The following RIPOR2 variants were observed in gnomAD, a reference collection of about 807,000 sequenced individuals.
RIPOR2 encodes the protein rho family-interacting cell polarization regulator 2.
A neutral mutation model predicts 114.5 loss-of-function variants in RIPOR2; 39 were observed. That is an observed-to-expected ratio of 0.34 (90% confidence interval 0.26 to 0.44). The LOEUF is 0.44. Ranked by LOEUF, RIPOR2 falls within the 20% of genes least tolerant of loss-of-function variation. The probability of loss-of-function intolerance (pLI) is 1.00; values close to 1 mark genes in which losing one functional copy is unlikely to be tolerated. For missense variants in RIPOR2, 1,007 were observed against 1,255.1 expected, an observed-to-expected ratio of 0.80 and a Z score of 2.99; for synonymous variants, 445 against 484.4, an observed-to-expected ratio of 0.92 and a Z score of 1.07.
chr6:24,829,194 TC>T (rs1346201637), intron 17 of RIPOR2, among the ~76,000 whole-genome samples: 1 of 152,022 alleles, frequency 6.6e-6, no homozygotes, highest in East Asian at 1.9e-4. Context: ...GTGCCTGTAA[TC>T]ACAGCTACTG....
rs140477782 is a variant in RIPOR2, at chr6:25,022,672, G to A, written c.76+19179C>T. 2.6e-4 allele frequency among the ~76,000 whole-genome samples: 38 copies of A among 148,872 alleles called. No homozygotes were observed. In the East Asian group the frequency reaches 6.4e-3, roughly 25 times the overall value. The stretch of plus-strand genomic sequence containing the variant: ...AACTATCCTCCCACCTCAGCCTCCT[G>A]AGTAGCTAGACTACAGGTGTGTGCC... On this transcript the variant is annotated intron_variant, in intron 1 of 13. Transcript: ENST00000510784.
chr6:24,810,788 C>A (rs1475918995), intron 20 of RIPOR2, among the ~76,000 whole-genome samples: 4 of 151,852 alleles, frequency 2.6e-5, no homozygotes, highest in Non-Finnish European at 2.9e-5. Flanking sequence ...AGTAACAAGG[C>A]AAAATTTCCT....
intron 1 of RIPOR2, among the ~76,000 whole-genome samples, chr6:24,894,537 G>A (rs1315799682): frequency 6.6e-6 from 1 of 152,152 alleles, no homozygotes; most frequent in Non-Finnish European, 1.5e-5. Context: ...TCTGTCAACC[G>A]GGAGGGGAGG....
At chr6:24,884,023 C>G (rs1766577451) in intron 1 of RIPOR2, among the ~76,000 whole-genome samples, 1 of 152,198 alleles carries the variant, frequency 6.6e-6, no homozygotes, top group South Asian at 2.1e-4. Context: ...TATATGGTTA[C>G]AAGGTACCTA....
chr6:24,874,682 T>C (rs1765546565), intron 2 of RIPOR2, among the ~76,000 whole-genome samples: 1 of 152,150 alleles, frequency 6.6e-6, no homozygotes, highest in Non-Finnish European at 1.5e-5. Context: ...CAGAAGGATA[T>C]AATCCAACTA....
intron 14 of RIPOR2, among the ~76,000 whole-genome samples, chr6:24,837,043 A>G (rs1346629045): frequency 5.3e-5 from 8 of 152,236 alleles, no homozygotes; most frequent in Non-Finnish European, 7.3e-5. Context: ...GCTTAAGGTA[A>G]CAAGTATGCA....
chr6:24,874,054 G>C (rs955298923), intron 2 of RIPOR2, among the ~76,000 whole-genome samples: 1 of 151,534 alleles, frequency 6.6e-6, no homozygotes, highest in Non-Finnish European at 1.5e-5. Flanking sequence ...TTAAAGAGAG[G>C]GGGTCTCAGT....
chr6:24,969,014 AC>A (rs1742790908), intron 1 of RIPOR2, among the ~76,000 whole-genome samples: 1 of 152,068 alleles, frequency 6.6e-6, no homozygotes, highest in African/African-American at 2.4e-5. Context: ...ATGACTTTCA[AC>A]CACCTTCCCA....
Position 24,842,973 on chromosome 6 carries a change from G to A in RIPOR2, c.1746C>T (p.Ser582=), listed in dbSNP as rs1761867729. The change falls in exon 13 of 22, where the codon AGC becomes AGT. Residue 582 remains serine (S), a synonymous_variant. Coordinates refer to ENST00000643898, the MANE Select transcript of RIPOR2 (RefSeq NM_001286445.3). ...SEGCRSFLDG[S]LEDAFNGLLL... ...AAAGCCCATTAAAAGCATCCTCTAA[G>A]CTTCCATCTAGAAAGGATCTGCAGC... 2 of 1,551,242 alleles carry A rather than the reference G, an allele frequency of 1.3e-6. No homozygotes were observed. Among genetic ancestry groups the A allele is most frequent in the Admixed American group, 2.0e-5 (1 of 50,110 alleles).
chr6:24,865,008 C>T (rs1440238208), intron 7 of RIPOR2, among the ~76,000 whole-genome samples: 1 of 152,122 alleles, frequency 6.6e-6, no homozygotes, highest in Non-Finnish European at 1.5e-5. Flanking sequence ...AGTGCAGTGG[C>T]GCGATCGTAG....
At chr6:24,845,598 AT>A (rs1762186304) in intron 12 of RIPOR2, among the ~76,000 whole-genome samples, 1 of 152,150 alleles carries the variant, frequency 6.6e-6, no homozygotes, top group South Asian at 2.1e-4. Context: ...CTCAAGCTCA[AT>A]TTCCACCTAC....
intron 1 of RIPOR2, chr6:25,024,369 G>C: frequency 7.3e-7 from 1 of 1,372,178 alleles, no homozygotes; most frequent in Admixed American, 1.7e-5. Flanking sequence ...CTTCTGGCCA[G>C]TGTTGGCCAG....
intron 1 of RIPOR2, among the ~76,000 whole-genome samples, chr6:24,998,693 AT>A (rs1001920959): frequency 2.0e-5 from 3 of 152,194 alleles, no homozygotes; most frequent in Non-Finnish European, 2.9e-5. Flanking sequence ...GGCAAAAAAA[AT>A]CTACAATAAA....
At chr6:24,957,890 C>G (rs1354972436) in intron 1 of RIPOR2, among the ~76,000 whole-genome samples, 1 of 152,046 alleles carries the variant, frequency 6.6e-6, no homozygotes, top group Non-Finnish European at 1.5e-5. Flanking sequence ...AACAAAAAAG[C>G]AAAAACAAAT....
At chr6:24,878,344 C>G (rs1236278683) in intron 1 of RIPOR2, among the ~76,000 whole-genome samples, 14 of 152,124 alleles carry the variant, frequency 9.2e-5, no homozygotes, top group Admixed American at 9.2e-4. Context: ...TTGTAATAAA[C>G]TATCATGCTT....
rs62647288 is a variant in RIPOR2, at chr6:24,927,227, G to C, written c.61+8611C>G. Among the ~76,000 whole-genome samples the C allele has an allele frequency of 8.9e-3, 204 of 22,798 alleles. 54 individuals are homozygous for C. Among genetic ancestry groups the C allele is most frequent in the Admixed American group, 0.021 (32 of 1,494 alleles). 15.0% of individuals were successfully genotyped at this position (22,798 alleles called of 152,430 possible). A position where few individuals can be genotyped will look rare whatever the true frequency, so the allele number is the denominator to read the frequency against. On this transcript the variant is annotated intron_variant, in intron 1 of 21. Coordinates refer to ENST00000643898, the MANE Select transcript of RIPOR2 (RefSeq NM_001286445.3). ...AGCACCACCACCACCACTACCACCA[G>C]CACCACCACAACTACAATCACCACC...
At chr6:24,834,226 A>C (rs1018206605) in intron 15 of RIPOR2, among the ~76,000 whole-genome samples, 2 of 152,228 alleles carry the variant, frequency 1.3e-5, no homozygotes, top group African/African-American at 4.8e-5. Context: ...ATAATTGCCA[A>C]CCAGTCTCCC....
At chr6:24,952,621 T>A (rs566987745) in intron 1 of RIPOR2, among the ~76,000 whole-genome samples, 1 of 152,156 alleles carries the variant, frequency 6.6e-6, no homozygotes, top group Non-Finnish European at 1.5e-5. Context: ...GAGGAGCTGA[T>A]GAGTATTGAG....
At chr6:24,967,989 T>G (rs1355854819) in intron 1 of RIPOR2, among the ~76,000 whole-genome samples, 1 of 149,862 alleles carries the variant, frequency 6.7e-6, no homozygotes, top group African/African-American at 2.5e-5. Flanking sequence ...CTCAGCTCAC[T>G]GCAACCTCCG....
Sources: allele counts gnomAD v4.1 joint callset (sites outside exome capture counted in the v4.1 genomes callset), GRCh38; gene constraint gnomAD v4.1.1; transcripts MANE v1.5; gene names NCBI Gene and HGNC (gene_info 2026-07-23, HGNC 2026-07-21).